The following MYCBP2 variants were observed in gnomAD, a reference collection of about 807,000 sequenced individuals.
MYCBP2 encodes MYC binding protein 2, also known as E3 ubiquitin-protein ligase MYCBP2.
A neutral mutation model predicts 525.3 loss-of-function variants in MYCBP2; 120 were observed. The ratio of observed to expected loss-of-function variants is 0.23; its 90% confidence interval spans 0.20 to 0.27. MYCBP2 has a LOEUF of 0.27. MYCBP2 is among the 10% of genes least tolerant of loss of function. MYCBP2 has a pLI of 1.00. For synonymous variants in MYCBP2, 1,894 were observed against 1,955.8 expected (o/e 0.97, Z 0.83); for missense variants, 4,149 against 5,657.1 (o/e 0.73, Z 8.55).
At chr13:77,259,200 G>A (rs73545899) in intron 13 of MYCBP2, among the ~76,000 whole-genome samples, 2,362 of 152,262 alleles carry the variant, frequency 0.016, 60 homozygotes, top group African/African-American at 0.054. Flanking sequence ...AGGAGGCAGA[G>A]GTTGCAGTAA....
At chr13:77,065,686 T>C (rs1594168592) in intron 72 of MYCBP2, among the ~76,000 whole-genome samples, 1 of 152,212 alleles carries the variant, frequency 6.6e-6, no homozygotes, top group East Asian at 1.9e-4. Context: ...TCCTCTTTTT[T>C]TCCTTTAGGT....
intron 17 of MYCBP2, among the ~76,000 whole-genome samples, chr13:77,233,902 A>C (rs2067495912): frequency 6.6e-6 from 1 of 151,382 alleles, no homozygotes; most frequent in East Asian, 1.9e-4. Context: ...GAGAGAAAGG[A>C]GCTTGGGCTT....
At chr13:77,080,931 ACTCCAT>A (rs1049727210) in intron 65 of MYCBP2, 1 of 149,788 alleles carries the variant, frequency 6.7e-6, no homozygotes, top group African/African-American at 2.5e-5. Context: ...ACAGAGGGAG[ACTCCAT>A]CTCAGAAAAA....
At chr13:77,297,889 C>G (rs968767181) in intron 1 of MYCBP2, among the ~76,000 whole-genome samples, 6 of 152,196 alleles carry the variant, frequency 3.9e-5, no homozygotes, top group Non-Finnish European at 8.8e-5. Flanking sequence ...GTTACCACCA[C>G]CTCTTACCTG....
rs1306977016 is a variant in MYCBP2 at position 77,081,259 on chromosome 13, C to G, written c.11418+168G>C. The stretch of plus-strand genomic sequence containing the variant: ...AATGGAATTCCACAGTGCTCCCAAT[C>G]ATATTAATTTGTTTTTAGACTTAAG... On this transcript the variant is annotated intron_variant, in intron 65 of 82. Coordinates refer to ENST00000544440, the MANE Select transcript of MYCBP2 (RefSeq NM_015057.5). The surrounding 1 kb of genome is among the most constrained non-coding windows in gnomAD (Gnocchi z 4.6). 1 of 617,320 alleles carries G rather than the reference C, an allele frequency of 1.6e-6. No individual in the cohort carries two copies. Among genetic ancestry groups the G allele is most frequent in the Non-Finnish European group, 2.8e-6 (1 of 355,218 alleles). The allele number at this position is 617,320 out of a possible 1,614,324, so 38.2% of individuals were successfully genotyped here. A position where few individuals can be genotyped will look rare whatever the true frequency, so the allele number is the denominator to read the frequency against.
chr13:77,202,199 T>C (rs2062687229), intron 26 of MYCBP2, among the ~76,000 whole-genome samples: 1 of 152,016 alleles, frequency 6.6e-6, no homozygotes, highest in Non-Finnish European at 1.5e-5. Flanking sequence ...TAAAAAATGA[T>C]AAAGGGGATA....
At chr13:77,065,033 T>A (rs1318329435) in intron 72 of MYCBP2, among the ~76,000 whole-genome samples, 1 of 152,186 alleles carries the variant, frequency 6.6e-6, no homozygotes, top group Non-Finnish European at 1.5e-5. Flanking sequence ...ATAACAGAAA[T>A]ACTAAGGTTA....
Position 77,055,628 on chromosome 13 carries a change from C to T in MYCBP2, c.13577G>A (p.Arg4526Lys). The T allele has an allele frequency of 1.2e-6, 2 of 1,614,100 alleles. No homozygotes were observed. The highest frequency in any genetic ancestry group is 1.3e-5 in the African/African-American group (1 of 75,044). The change falls in exon 80 of 83, where the codon AGG becomes AAG. Residue 4526 changes from arginine (R) to lysine (K), a missense_variant. By Grantham distance (26) the Arg-to-Lys change is conservative (BLOSUM62 2). Transcript: ENST00000544440. ...KSEAITTPGV[R>K]FYNDPAGYAM... ...ATAGCCAGCTGGGTCATTATAAAAC[C>T]TCACACCAGGAGTTGTGATAGCTTC...
intron 48 of MYCBP2, among the ~76,000 whole-genome samples, chr13:77,145,815 T>G (rs928864815): frequency 4.6e-5 from 7 of 151,834 alleles, no homozygotes; most frequent in Non-Finnish European, 8.8e-5. Context: ...CTCTCCACAA[T>G]TCATTGGAAG....
chr13:77,169,781 C>T (rs2058959189), intron 38 of MYCBP2, 67 bp from the exon 39 acceptor site: 4 of 1,297,748 alleles, frequency 3.1e-6, no homozygotes, highest in Non-Finnish European at 4.4e-6. Context: ...TGCATACATG[C>T]TGTACTAAAT....
rs557736583 is a variant in MYCBP2 at position 77,108,633 on chromosome 13, C to A, written c.8141-9620G>T. On this transcript the variant is annotated intron_variant, in intron 55 of 82. Transcript: ENST00000544440. ...CAGAAGTGACATCCTGAGAAAGAGACAACGCTTACGCAGCACAAAGACAGC... is the reference window on the plus strand; with the variant it reads ...CAGAAGTGACATCCTGAGAAAGAGAAAACGCTTACGCAGCACAAAGACAGC... Among the ~76,000 whole-genome samples, 4 of 152,080 alleles carry A rather than the reference C, an allele frequency of 2.6e-5. No individual in the cohort carries two copies. In the South Asian group the frequency reaches 8.3e-4, roughly 32 times the overall value.
At chr13:77,155,156 T>C (rs145989990) in intron 46 of MYCBP2, among the ~76,000 whole-genome samples, 3,404 of 152,230 alleles carry the variant, frequency 0.022, 172 homozygotes, top group Admixed American at 0.12. Flanking sequence ...CCATACAGTT[T>C]TATTTACTGG....
intron 20 of MYCBP2, among the ~76,000 whole-genome samples, chr13:77,221,548 G>A (rs940577041): frequency 2.0e-5 from 3 of 152,040 alleles, no homozygotes; most frequent in African/African-American, 7.2e-5. Context: ...TTTCCACTCT[G>A]GCAAGACCAT....
intron 49 of MYCBP2, among the ~76,000 whole-genome samples, 169 bp from the exon 50 acceptor site, chr13:77,141,112 T>C (rs922967876): frequency 6.6e-6 from 1 of 152,144 alleles, no homozygotes; most frequent in African/African-American, 2.4e-5. Flanking sequence ...AGAAATATTT[T>C]AAAAATGGCC....
At position 77,098,432 on chromosome 13, in the gene MYCBP2, A is replaced by C; in HGVS notation, c.8722T>G (p.Ser2908Ala). 6.2e-7 allele frequency: 1 copy of C among 1,613,590 alleles called. No individual in the cohort carries two copies. Among genetic ancestry groups the C allele is most frequent in the South Asian group, 1.1e-5 (1 of 91,070 alleles). ...TTTTCAGATCCAGGGGAATCTGTAG[A>C]ATCCTTTGGTACTGATTTTGGTTTT... ...SPKPKSVPKDSTDSPGSENRA... is the reference protein window; with the variant it reads ...SPKPKSVPKDATDSPGSENRA... The change falls in exon 56 of 83, where the codon TCT (serine) becomes GCT (alanine). Residue 2908 changes from serine to alanine, a missense_variant. Around this residue, in one of 21 missense-constraint regions of MYCBP2, gnomAD observed 653 missense variants for 744.7 expected, o/e 0.88. Transcript: ENST00000544440.
rs911138956 is a variant in MYCBP2, at chr13:77,325,285, A to G, written c.302+1189T>C. 2.6e-5 allele frequency among the ~76,000 whole-genome samples: 4 copies of G among 152,240 alleles called. No individual in the cohort carries two copies. The East Asian group carries it at 7.7e-4, about 29-fold the overall frequency. On this transcript the variant is annotated intron_variant, in intron 1 of 82. Coordinates refer to ENST00000544440, the MANE Select transcript of MYCBP2 (RefSeq NM_015057.5). ...GCCTAATAAATTGCACATTCAATAA[A>G]TAACAGTAAACTCTTTAACTCATTT... is the stretch of plus-strand genomic sequence containing the variant.
intron 23 of MYCBP2, 69 bp from the exon 24 acceptor site, chr13:77,206,894 A>C: frequency 1.6e-6 from 2 of 1,281,060 alleles, no homozygotes; most frequent in Non-Finnish European, 2.1e-6. Flanking sequence ...CCTAAAACAT[A>C]ACTGATGATA....
At chr13:77,155,958 G>T in intron 46 of MYCBP2, 100 bp downstream of exon 46, 3 of 1,131,502 alleles carry the variant, frequency 2.7e-6, no homozygotes, top group Middle Eastern at 3.1e-4. Context: ...ATATAAAGAG[G>T]GTAGAACAAA....
At chr13:77,150,418 A>AG (rs2056292453) in intron 47 of MYCBP2, among the ~76,000 whole-genome samples, 1 of 152,198 alleles carries the variant, frequency 6.6e-6, no homozygotes, top group African/African-American at 2.4e-5. Flanking sequence ...CTGGGATTAT[A>AG]GGTGTGGGCC....
Sources: gnomAD v4.1 joint callset for allele counts (sites outside exome capture counted in the v4.1 genomes callset) on GRCh38, gnomAD v4.1.1 for gene constraint, gnomAD v4.1.1 regional missense constraint, Gnocchi (gnomAD v3.1) non-coding constraint, MANE v1.5 for transcripts, NCBI Gene and HGNC (gene_info 2026-07-23, HGNC 2026-07-21) for gene names.